Variants in NRG1 observed in about 807,000 individuals in gnomAD.
The protein encoded by NRG1 is pro-neuregulin-1, membrane-bound isoform.
Under a neutral mutation model 63.8 loss-of-function variants are expected in NRG1, and 18 were observed. The observed-to-expected ratio is 0.28, with a 90% confidence interval of 0.19 to 0.42. The LOEUF is 0.42. Among genes scored for constraint, NRG1 ranks in the 10% least tolerant of loss-of-function variants. The probability of loss-of-function intolerance (pLI) is 1.00; values close to 1 mark genes in which losing one functional copy is unlikely to be tolerated. For synonymous variants in NRG1, 302 were observed against 301.3 expected (o/e 1.00, Z -0.02); for missense variants, 762 against 814.7 (o/e 0.94, Z 0.79).
chr8:32,548,583 CG>C, exon 1 of NRG1: 1 of 1,310,232 alleles, frequency 7.6e-7, no homozygotes, highest in South Asian at 2.2e-5. Flanking sequence ...CAACGGGAGA[CG>C]CCCCCGCGCA....
chr8:32,435,146 G>A (rs1818626425), intron 1 of NRG1, among the ~76,000 whole-genome samples: 2 of 152,122 alleles, frequency 1.3e-5, no homozygotes, highest in South Asian at 4.1e-4. Flanking sequence ...GGCACAATGG[G>A]AGGCAGATAT....
chr8:32,402,676 G>T (rs796130897), intron 1 of NRG1, among the ~76,000 whole-genome samples: 2 of 152,174 alleles, frequency 1.3e-5, no homozygotes, highest in Non-Finnish European at 2.9e-5. Context: ...AAGCACAGGA[G>T]TAGCAATGCT....
At chr8:32,083,763 A>C (rs1042285851) in intron 1 of NRG1, among the ~76,000 whole-genome samples, 1 of 139,082 alleles carries the variant, frequency 7.2e-6, no homozygotes, top group Non-Finnish European at 1.5e-5. Context: ...ATTTCATGTC[A>C]TGTGATACAG....
At chr8:32,175,540 T>C (rs923193774) in intron 1 of NRG1, among the ~76,000 whole-genome samples, 1 of 152,176 alleles carries the variant, frequency 6.6e-6, no homozygotes, top group East Asian at 1.9e-4. Flanking sequence ...TGAAGTCAAA[T>C]TGTCCCTGTT....
At chr8:32,019,407 TC>T (rs549301096) in intron 1 of NRG1, among the ~76,000 whole-genome samples, 27 of 152,316 alleles carry the variant, frequency 1.8e-4, no homozygotes, top group African/African-American at 6.5e-4. Context: ...ATGGAGGAAT[TC>T]TTTTTATATT....
intron 1 of NRG1, among the ~76,000 whole-genome samples, chr8:31,903,709 C>G (rs113711834): frequency 0.12 from 18,408 of 152,176 alleles, 1,269 homozygotes; most frequent in Admixed American, 0.19. Context: ...AATCCCAGCC[C>G]TTCGGGAGGC....
intron 1 of NRG1, among the ~76,000 whole-genome samples, chr8:31,902,763 T>G (rs1832193472): frequency 6.6e-6 from 1 of 152,198 alleles, no homozygotes; most frequent in Admixed American, 6.5e-5. Flanking sequence ...TATGCCTAAT[T>G]TATGTTGTGG....
At chr8:31,741,439 G>A (rs1449209158) in intron 1 of NRG1, among the ~76,000 whole-genome samples, 3 of 151,540 alleles carry the variant, frequency 2.0e-5, no homozygotes, top group Non-Finnish European at 4.4e-5. Context: ...CAAAAAACCT[G>A]AGAAGACAGG....
rs1554511693 is a variant in NRG1 at position 32,337,682 on chromosome 8, A to AAAAAAAAAAAAAAAAAT, written c.38-258146_38-258145insAAAAAAAAAAAAAAAAT. Reference sequence around the variant, plus strand: ...AAAAAAAAAAAAAAAAAAAAAAAAAAGCTGATGCAGTTAGGAAAGGGAAGC... The same window carrying AAAAAAAAAAAAAAAAAT: ...AAAAAAAAAAAAAAAAAAAAAAAAAAAAAAAAAAAAAAAAAATGCTGATGCAGTTAGGAAAGGGAAGC... On this transcript the variant is annotated intron_variant, in intron 1 of 10. Transcript: ENST00000519301. 1.0e-3 allele frequency among the ~76,000 whole-genome samples: 119 copies of AAAAAAAAAAAAAAAAAT among 116,692 alleles called. 7 individuals carry two copies. The highest frequency in any genetic ancestry group is 1.9e-3 in the Non-Finnish European group (101 of 52,584). The allele number at this position is 116,692 out of a possible 152,430, so 76.6% of individuals were successfully genotyped here. A position where few individuals can be genotyped will look rare whatever the true frequency, so the allele number is the denominator to read the frequency against.
At chr8:32,754,611 C>T in intron 8 of NRG1, 137 bp downstream of exon 8, 2 of 736,574 alleles carry the variant, frequency 2.7e-6, no homozygotes, top group South Asian at 3.4e-5. Flanking sequence ...AGATTATTTC[C>T]TCTGAATAAT....
At chr8:31,894,414 A>G (rs899367813) in intron 1 of NRG1, among the ~76,000 whole-genome samples, 15 of 152,188 alleles carry the variant, frequency 9.9e-5, no homozygotes, top group South Asian at 2.1e-4. Context: ...TTTTAATAAT[A>G]TGTAAAAGTG....
At chr8:32,327,824 G>C (rs1489561180) in intron 1 of NRG1, among the ~76,000 whole-genome samples, 1 of 152,202 alleles carries the variant, frequency 6.6e-6, no homozygotes, top group Non-Finnish European at 1.5e-5. Flanking sequence ...GCTGTTGATG[G>C]AGACTAGACA....
intron 1 of NRG1, among the ~76,000 whole-genome samples, chr8:32,170,025 G>A (rs1162731190): frequency 1.3e-5 from 2 of 152,156 alleles, no homozygotes; most frequent in Admixed American, 6.5e-5. Context: ...GACAGGCAGT[G>A]GTCAGAATTA....
chr8:31,639,442 T>C, intron 1 of NRG1: 1 of 1,534,562 alleles, frequency 6.5e-7, no homozygotes, highest in Non-Finnish European at 8.7e-7. Context: ...GTAAACAGGC[T>C]GGCGAGGCGC....
Position 32,004,126 on chromosome 8 carries a change from A to G in NRG1, c.37+364695A>G, listed in dbSNP as rs565955865. ...TATACATTCCTAAGTGGCAGAAGCC[A>G]GTCTGAAAAGGCTGTATGATTGCAG... On this transcript the variant is annotated intron_variant, in intron 1 of 10. Transcript: ENST00000519301. Among the ~76,000 whole-genome samples the G allele has an allele frequency of 3.3e-5, 5 of 152,094 alleles. No individual in the cohort carries two copies. The East Asian group carries it at 9.7e-4, about 30-fold the overall frequency.
intron 1 of NRG1, among the ~76,000 whole-genome samples, chr8:31,953,472 A>T (rs1803821820): frequency 6.6e-6 from 1 of 152,196 alleles, no homozygotes; most frequent in South Asian, 2.1e-4. Context: ...AAGATACTTA[A>T]AGTGAAGAGA....
intron 7 of NRG1, 91 bp from the exon 8 acceptor site, chr8:32,754,281 C>A: frequency 9.8e-7 from 1 of 1,024,500 alleles, no homozygotes; most frequent in Non-Finnish European, 1.5e-6. Context: ...TGAACATGGA[C>A]AATGTCATGC....
intron 1 of NRG1, among the ~76,000 whole-genome samples, chr8:32,240,353 C>T (rs1847975244): frequency 6.6e-6 from 1 of 151,970 alleles, no homozygotes; most frequent in Non-Finnish European, 1.5e-5. Context: ...CTTGAAATGA[C>T]AAAAATATAG....
At chr8:31,779,084 A>G (rs887740586) in intron 1 of NRG1, among the ~76,000 whole-genome samples, 1 of 152,118 alleles carries the variant, frequency 6.6e-6, no homozygotes. Context: ...ATTTTAGCAT[A>G]GTGGTGGACT....
Sources: gnomAD v4.1 joint callset for allele counts (sites outside exome capture counted in the v4.1 genomes callset) on GRCh38, gnomAD v4.1.1 for gene constraint, MANE v1.5 for transcripts, NCBI Gene and HGNC (gene_info 2026-07-23, HGNC 2026-07-21) for gene names.